The following DCX variants were observed in gnomAD, a reference collection of about 807,000 sequenced individuals.
DCX encodes doublecortin.
A neutral mutation model predicts 20.9 loss-of-function variants in DCX; 4 were observed. The ratio of observed to expected loss-of-function variants is 0.19; its 90% confidence interval spans 0.09 to 0.44. DCX has a LOEUF of 0.44. Ranked by LOEUF, DCX falls within the 20% of genes least tolerant of loss-of-function variation. The probability of loss-of-function intolerance (pLI) is 0.99; values close to 1 mark genes in which losing one functional copy is unlikely to be tolerated. For missense variants in DCX, 133 were observed against 296.9 expected (o/e 0.45, Z 4.06); for synonymous variants, 103 against 111.4 (o/e 0.92, Z 0.47).
chrX:111,357,985 G>A (rs1292699592), intron 3 of DCX, among the ~76,000 whole-genome samples: 2 of 109,540 alleles, frequency 1.8e-5, no homozygotes, highest in Non-Finnish European at 3.8e-5. Flanking sequence ...GTGCCACCAC[G>A]CCCGGCTAAT....
chrX:111,321,312 G>A (rs2095085993), intron 5 of DCX, among the ~76,000 whole-genome samples: 1 of 111,838 alleles, frequency 8.9e-6, no homozygotes, highest in African/African-American at 3.3e-5. Flanking sequence ...AACCCTCTCA[G>A]TTGGTGCCCT....
chrX:111,390,763 C>G (rs868698175), intron 3 of DCX, among the ~76,000 whole-genome samples: 29 of 110,834 alleles, frequency 2.6e-4, no homozygotes, highest in African/African-American at 8.2e-4. Context: ...CTTTGGGAGG[C>G]TGAGGCGGGC....
chrX:111,308,253 G>A (rs188088940), intron 6 of DCX, among the ~76,000 whole-genome samples: 10 of 111,999 alleles, frequency 8.9e-5, no homozygotes, highest in African/African-American at 2.9e-4. Flanking sequence ...CTGTGCTGGC[G>A]ATACTATTGT....
chrX:111,407,990 CTTTAGAATAT>C (rs1188086058), intron 2 of DCX, among the ~76,000 whole-genome samples: 2 of 111,488 alleles, frequency 1.8e-5, no homozygotes, highest in East Asian at 5.6e-4. Context: ...CTATTGTGGT[CTTTAGAATAT>C]CACAGTTCAT....
intron 3 of DCX, among the ~76,000 whole-genome samples, chrX:111,355,417 C>A (rs1187275858): frequency 9.0e-6 from 1 of 111,167 alleles, no homozygotes; most frequent in African/African-American, 3.3e-5. Flanking sequence ...CTTTTTCAAA[C>A]ATATACAGCC....
chrX:111,359,388 C>T (rs1569492935), intron 3 of DCX, among the ~76,000 whole-genome samples: 2 of 111,551 alleles, frequency 1.8e-5, no homozygotes, highest in Non-Finnish European at 3.8e-5. Context: ...TCTCACCAAA[C>T]ACCAAAAATA....
At chrX:111,346,031 A>T (rs1378560767) in intron 3 of DCX, among the ~76,000 whole-genome samples, 2 of 109,760 alleles carry the variant, frequency 1.8e-5, no homozygotes, top group Non-Finnish European at 3.8e-5. Flanking sequence ...TGCTGGCCAC[A>T]TAATGTCTTA....
rs750434871 is a variant in DCX at position 111,358,924 on chromosome X, T to A, written c.706-25771A>T. On this transcript the variant is annotated intron_variant, in intron 3 of 6. Coordinates refer to ENST00000636035, the MANE Select transcript of DCX (RefSeq NM_001195553.2). Reference sequence around the variant, plus strand: ...TTATACCTATTTGGTGAAAATTATATAATCTTTACTGAAGAAAATAGAAGA... The same window carrying A: ...TTATACCTATTTGGTGAAAATTATAAAATCTTTACTGAAGAAAATAGAAGA... Among the ~76,000 whole-genome samples the A allele has an allele frequency of 1.3e-4, 15 of 112,232 alleles. No individual in the cohort carries two copies. The South Asian group carries it at 2.2e-3, about 16-fold the overall frequency.
chrX:111,363,415 A>T (rs1209806763), intron 3 of DCX, among the ~76,000 whole-genome samples: 1 of 109,635 alleles, frequency 9.1e-6, no homozygotes, highest in Non-Finnish European at 1.9e-5. Context: ...CAAGGCCCCA[A>T]GAAAACAGTT....
Position 111,411,127 on chromosome X carries a change from C to T in DCX, c.-22-707G>A, listed in dbSNP as rs1928681585. 5 of 478,564 alleles carry T rather than the reference C, an allele frequency of 1.0e-5. No homozygotes were observed. In the South Asian group the frequency reaches 1.3e-4, roughly 13 times the overall value. 39.4% of individuals were successfully genotyped at this position (478,564 alleles called of 1,213,427 possible). ...TCCCCACCAAGCTGGTGCAGCTATC[C>T]GACATTCATAAGAAATAAGCTGGGG... On this transcript the variant is annotated intron_variant, in intron 1 of 6. Coordinates refer to ENST00000636035, the MANE Select transcript of DCX (RefSeq NM_001195553.2).
At chrX:111,357,796 G>GAA (rs375435343) in intron 3 of DCX, among the ~76,000 whole-genome samples, 6 of 97,445 alleles carry the variant, frequency 6.2e-5, no homozygotes, top group East Asian at 3.3e-4. Context: ...GAGAAAAAAA[G>GAA]AAAAAAAAAA....
At position 111,303,716 on chromosome X, in the gene DCX, T is replaced by G. The variant is rs2095039010; in HGVS notation, c.1045-1973A>C. Among the ~76,000 whole-genome samples the G allele has an allele frequency of 4.5e-5, 5 of 111,393 alleles. No homozygotes were observed. The Admixed American group carries it at 4.8e-4, about 11-fold the overall frequency. ...TTTCTTCCAGCTCTGAGACTATAAT[T>G]TGGGGGTCCTAAAGGGATATTGAAT... On this transcript the variant is annotated intron_variant, in intron 6 of 6. Transcript: ENST00000636035.
intron 5 of DCX, among the ~76,000 whole-genome samples, chrX:111,319,800 A>C (rs2095082300): frequency 8.9e-6 from 1 of 111,782 alleles, no homozygotes; most frequent in African/African-American, 3.3e-5. Context: ...AACCCCGGTA[A>C]GTTCTCCTCT....
chrX:111,302,317 T>C (rs749552263), intron 6 of DCX, among the ~76,000 whole-genome samples: 1 of 112,086 alleles, frequency 8.9e-6, no homozygotes, highest in South Asian at 3.8e-4. Flanking sequence ...CTGGTGTAGA[T>C]GCACCACAGT....
chrX:111,377,531 C>T (rs1225078489), intron 3 of DCX, among the ~76,000 whole-genome samples: 1 of 110,852 alleles, frequency 9.0e-6, no homozygotes, highest in Non-Finnish European at 1.9e-5. Context: ...AGATCGAAGT[C>T]CCTTCCTGTT....
chrX:111,316,833 G>T (rs991756374), intron 5 of DCX, among the ~76,000 whole-genome samples: 1 of 111,360 alleles, frequency 9.0e-6, no homozygotes, highest in Admixed American at 9.6e-5. Flanking sequence ...ACTTGTTAGA[G>T]AAAGAATAAA....
chrX:111,299,529 C>T lies in DCX; in HGVS notation c.*2158G>A, dbSNP rs940649624. Reference sequence around the variant, plus strand: ...CCTAAAGTGAGACTATGGGTGGAGTCATTGGGGGTTCTGGCCTGAAGTTTA... The same window carrying T: ...CCTAAAGTGAGACTATGGGTGGAGTTATTGGGGGTTCTGGCCTGAAGTTTA... On this transcript the variant is annotated 3_prime_UTR_variant, in exon 7 of 7. Transcript: ENST00000636035. The T allele has an allele frequency of 1.8e-5, 2 of 110,949 alleles. No individual in the cohort carries two copies. The highest frequency in any genetic ancestry group is 3.8e-5 in the Non-Finnish European group (2 of 53,041). The allele number at this position is 110,949 out of a possible 1,213,427, so 9.1% of individuals were successfully genotyped here.
At chrX:111,360,124 T>TACAATAGA (rs1924085213) in intron 3 of DCX, among the ~76,000 whole-genome samples, 1 of 112,059 alleles carries the variant, frequency 8.9e-6, no homozygotes, top group Non-Finnish European at 1.9e-5. Context: ...TACTATAGAA[T>TACAATAGA]ATTATACAGC....
intron 3 of DCX, among the ~76,000 whole-genome samples, chrX:111,394,316 G>A (rs1434164503): frequency 1.8e-5 from 2 of 111,705 alleles, no homozygotes; most frequent in Non-Finnish European, 3.8e-5. Flanking sequence ...ATAAGTGATT[G>A]TTTAGGGATG....
Sources: gnomAD v4.1 joint callset for allele counts (sites outside exome capture counted in the v4.1 genomes callset) on GRCh38, gnomAD v4.1.1 for gene constraint, MANE v1.5 for transcripts, NCBI Gene and HGNC (gene_info 2026-07-23, HGNC 2026-07-21) for gene names.